MECOM: variants seen among roughly 807,000 people sequenced by gnomAD.
MECOM encodes the protein histone-lysine N-methyltransferase MECOM.
A neutral mutation model predicts 116.3 loss-of-function variants in MECOM; 13 were observed. The observed-to-expected ratio is 0.11, with a 90% CI of 0.07 to 0.18. The LOEUF is 0.18. MECOM is among the 10% of genes least tolerant of loss of function. MECOM has a pLI of 1.00. For missense variants in MECOM, 1,299 were observed against 1,509.0 expected (o/e 0.86, Z 2.31); for synonymous variants, 528 against 535.2 (o/e 0.99, Z 0.19).
In MECOM at chr3:169,381,483, C is replaced by T. The variant is rs757020094; in HGVS notation, c.79G>A (p.Glu27Lys). The T allele has an allele frequency of 6.2e-7, 1 of 1,612,926 alleles. No homozygotes were observed. The highest frequency in any genetic ancestry group is 1.7e-5 in the Admixed American group (1 of 59,924). The change falls in exon 2 of 17, where the codon GAA (glutamate) becomes AAA (lysine). Residue 27 changes from glutamate to lysine, a missense_variant. By Grantham distance (56) the Glu-to-Lys change is moderately conservative. Coordinates refer to ENST00000651503, the MANE Select transcript of MECOM (RefSeq NM_004991.4). ...VYGNYPEIPL[E>K]EMPDADGVAS... ...ACTCCATCTGCATCTGGCATTTCTT[C>T]CAAAGGTATTTCAGGGTAGTTGCCA...
chr3:169,299,862 T>A (rs746604660), intron 2 of MECOM, among the ~76,000 whole-genome samples: 4 of 152,240 alleles, frequency 2.6e-5, no homozygotes, highest in African/African-American at 4.8e-5. Flanking sequence ...TTGCATAATT[T>A]TTTTTACAAA....
intron 1 of MECOM, among the ~76,000 whole-genome samples, chr3:169,438,031 C>A (rs566530097): frequency 6.6e-6 from 1 of 152,244 alleles, no homozygotes; most frequent in African/African-American, 2.4e-5. Context: ...CTCATAATAG[C>A]CCATGAGGTA....
chr3:169,482,128 C>G (rs1483160568), intron 1 of MECOM, among the ~76,000 whole-genome samples: 1 of 151,822 alleles, frequency 6.6e-6, no homozygotes, highest in Non-Finnish European at 1.5e-5. Flanking sequence ...GTTTCTTTTA[C>G]CTCCACCACG....
chr3:169,647,569 A>G (rs1281308140), intron 1 of MECOM, among the ~76,000 whole-genome samples: 4 of 152,206 alleles, frequency 2.6e-5, no homozygotes, highest in Non-Finnish European at 5.9e-5. Context: ...AAAAATATGC[A>G]TCTGGAACAA....
intron 2 of MECOM, among the ~76,000 whole-genome samples, chr3:169,188,206 ACT>A (rs1747026820): frequency 6.6e-6 from 1 of 152,084 alleles, no homozygotes; most frequent in South Asian, 2.1e-4. Context: ...CAATGCCAAG[ACT>A]CTAACTATTA....
At chr3:169,607,182 G>A (rs1011945192) in intron 1 of MECOM, among the ~76,000 whole-genome samples, 5 of 152,150 alleles carry the variant, frequency 3.3e-5, no homozygotes, top group Non-Finnish European at 5.9e-5. Context: ...TCTCCCAAGC[G>A]CCACAGCAGG....
intron 12 of MECOM, among the ~76,000 whole-genome samples, chr3:169,099,166 C>A (rs1722740370): frequency 6.7e-6 from 1 of 149,502 alleles, no homozygotes; most frequent in African/African-American, 2.5e-5. Context: ...TGTAAGCTCT[C>A]CAGCTATACC....
chr3:169,283,440 A>G (rs187187790), intron 2 of MECOM, among the ~76,000 whole-genome samples: 10 of 152,270 alleles, frequency 6.6e-5, no homozygotes, highest in African/African-American at 2.4e-4. Context: ...AATTATTTGT[A>G]TAATAAGAAA....
intron 1 of MECOM, among the ~76,000 whole-genome samples, chr3:169,415,261 G>A (rs986391490): frequency 6.6e-6 from 1 of 152,164 alleles, no homozygotes; most frequent in Non-Finnish European, 1.5e-5. Context: ...TTTCAACCCA[G>A]AATTTCATAT....
intron 2 of MECOM, among the ~76,000 whole-genome samples, chr3:169,207,044 T>C (rs921389934): frequency 6.6e-6 from 1 of 152,196 alleles, no homozygotes; most frequent in African/African-American, 2.4e-5. Context: ...AGAACAAAAA[T>C]ATCTTGAGGC....
chr3:169,109,572 G>GC, intron 9 of MECOM, among the ~76,000 whole-genome samples: 1 of 152,044 alleles, frequency 6.6e-6, no homozygotes, highest in East Asian at 1.9e-4. Flanking sequence ...GTGCTACCAC[G>GC]CCCGGCTAAA....
chr3:169,191,030 G>T (rs1747457199), intron 2 of MECOM, among the ~76,000 whole-genome samples: 1 of 151,958 alleles, frequency 6.6e-6, no homozygotes, highest in Non-Finnish European at 1.5e-5. Flanking sequence ...CCAGGAGCAG[G>T]ACCAATTCCC....
intron 2 of MECOM, among the ~76,000 whole-genome samples, chr3:169,376,096 G>T (rs992588876): frequency 1.3e-5 from 2 of 151,938 alleles, no homozygotes; most frequent in Non-Finnish European, 2.9e-5. Context: ...TATCTCAATA[G>T]ATGCAAAAAA....
At chr3:169,131,369 G>T in intron 4 of MECOM, 60 bp downstream of exon 4, 1 of 1,372,334 alleles carries the variant, frequency 7.3e-7, no homozygotes, top group Non-Finnish European at 1.0e-6. Context: ...GGATGCTTTC[G>T]ATGCTACTTT....
intron 1 of MECOM, among the ~76,000 whole-genome samples, chr3:169,447,216 T>G (rs1378099687): frequency 6.6e-6 from 1 of 152,164 alleles, no homozygotes; most frequent in Non-Finnish European, 1.5e-5. Flanking sequence ...GAATTAAGTC[T>G]TATTGGTGCC....
chr3:169,625,340 A>G (rs914418381), intron 1 of MECOM, among the ~76,000 whole-genome samples: 10 of 152,162 alleles, frequency 6.6e-5, no homozygotes, highest in Non-Finnish European at 5.9e-5. Context: ...TACATCACCT[A>G]TTTAGCTCCC....
chr3:169,484,118 G>C (rs1182037034), intron 1 of MECOM: 2 of 812,022 alleles, frequency 2.5e-6, no homozygotes, highest in Middle Eastern at 3.4e-4. Context: ...AATTTCTCTA[G>C]TAAACAAAAA....
intron 1 of MECOM, among the ~76,000 whole-genome samples, chr3:169,526,895 A>T (rs1272668289): frequency 6.6e-6 from 1 of 152,226 alleles, no homozygotes; most frequent in African/African-American, 2.4e-5. Context: ...GCTATATAAA[A>T]TAATGATTCT....
chr3:169,657,323 G>A (rs762336322), intron 1 of MECOM, among the ~76,000 whole-genome samples: 2 of 152,214 alleles, frequency 1.3e-5, no homozygotes, highest in Non-Finnish European at 2.9e-5. Context: ...ACAGCCACAC[G>A]TGAGAGAATG....
Sources: gnomAD v4.1 joint callset for allele counts (sites outside exome capture counted in the v4.1 genomes callset) on GRCh38, gnomAD v4.1.1 for gene constraint, MANE v1.5 for transcripts, NCBI Gene and HGNC (gene_info 2026-07-23, HGNC 2026-07-21) for gene names.